Variants in TRPM4 observed in about 807,000 individuals in gnomAD.
The protein encoded by TRPM4 is transient receptor potential cation channel subfamily M member 4.
In TRPM4, 124 loss-of-function variants were observed where a neutral mutation model predicts 135.6. The ratio of observed to expected loss-of-function variants is 0.91; its 90% CI spans 0.79 to 1.06. The LOEUF is 1.06. TRPM4 is among the 50% of genes least tolerant of loss of function. TRPM4 has a pLI of 0.00. For missense variants in TRPM4, 1,658 were observed against 1,671.4 expected, an observed-to-expected ratio of 0.99 and a Z score of 0.14; for synonymous variants, 745 against 705.6, an observed-to-expected ratio of 1.06 and a Z score of -0.88.
At position 49,182,722 on chromosome 19, in the gene TRPM4, A is replaced by T. The variant is rs201808664; in HGVS notation, c.1408A>T (p.Asn470Tyr). 6.2e-7 allele frequency: 1 copy of T among 1,614,110 alleles called. No homozygotes were observed. The highest frequency in any genetic ancestry group is 2.2e-5 in the East Asian group (1 of 44,870). The change falls in exon 11 of 25, where the codon AAC becomes TAC. Residue 470 changes from asparagine (N) to tyrosine (Y), a missense_variant. Asn to Tyr is a moderately radical substitution (Grantham distance 143, BLOSUM62 -2). Transcript: ENST00000252826. Reference sequence around the variant, plus strand: ...CCAACTCTACAGCGCGGCGCCCTCCAACTCGCTCATCCGCAACCTTTTGGA... The same window carrying T: ...CCAACTCTACAGCGCGGCGCCCTCCTACTCGCTCATCCGCAACCTTTTGGA... ...LAQLYSAAPS[N>Y]SLIRNLLDQA...
chr19:49,190,587 C>T, intron 15 of TRPM4, 109 bp from the exon 16 acceptor site: 1 of 1,179,144 alleles, frequency 8.5e-7, no homozygotes, highest in Admixed American at 1.9e-5. Flanking sequence ...GAGACCACCT[C>T]TCTGTCCCTC....
chr19:49,203,333 C>T (rs1969017753), intron 20 of TRPM4, among the ~76,000 whole-genome samples: 1 of 151,840 alleles, frequency 6.6e-6, no homozygotes, highest in South Asian at 2.1e-4. Context: ...GCGTGCGCCA[C>T]CACACCTGGC....
At chr19:49,192,971 C>T (rs1968466641) in intron 16 of TRPM4, among the ~76,000 whole-genome samples, 1 of 151,772 alleles carries the variant, frequency 6.6e-6, no homozygotes. Flanking sequence ...CCTTCCCTAG[C>T]AATTTCTCAT....
intron 15 of TRPM4, 96 bp from the exon 16 acceptor site, chr19:49,190,600 C>A: frequency 7.8e-7 from 1 of 1,286,182 alleles, no homozygotes; most frequent in Non-Finnish European, 1.1e-6. Context: ...TGTCCCTCTG[C>A]CATGTCTCCG....
intron 17 of TRPM4, among the ~76,000 whole-genome samples, chr19:49,197,944 C>T (rs1206080546): frequency 6.6e-6 from 1 of 151,938 alleles, no homozygotes; most frequent in Non-Finnish European, 1.5e-5. Context: ...TGGCCTTAGC[C>T]TCTGAAAGTG....
At chr19:49,208,225 C>A (rs1017261667) in intron 20 of TRPM4, among the ~76,000 whole-genome samples, 1 of 152,140 alleles carries the variant, frequency 6.6e-6, no homozygotes, top group African/African-American at 2.4e-5. Context: ...ACCGCTGAAG[C>A]ACAGCATCAC....
chr19:49,173,878 C>T (rs1471093320), intron 9 of TRPM4, among the ~76,000 whole-genome samples: 3 of 152,020 alleles, frequency 2.0e-5, no homozygotes, highest in Non-Finnish European at 4.4e-5. Flanking sequence ...CTCTGTTGCC[C>T]ATGCTGGTCA....
chr19:49,166,125 C>T lies in TRPM4; in HGVS notation c.177C>T (p.Thr59=), dbSNP rs758704994. 2.5e-6 allele frequency: 4 copies of T among 1,605,682 alleles called. No individual in the cohort carries two copies. Among genetic ancestry groups the T allele is most frequent in the South Asian group, 1.1e-5 (1 of 89,580 alleles). The change falls in exon 3 of 25, where the codon ACC becomes ACT. Residue 59 remains threonine (T), a synonymous_variant. Coordinates refer to ENST00000252826, the MANE Select transcript of TRPM4 (RefSeq NM_017636.4). ...MEDAFGAAVV[T]VWDSDAHTTE... Reference sequence around the variant, plus strand: ...ATGCCTTCGGGGCAGCCGTGGTGACCGTGTGGGACAGCGATGCACACACCA... The same window carrying T: ...ATGCCTTCGGGGCAGCCGTGGTGACTGTGTGGGACAGCGATGCACACACCA...
chr19:49,190,263 C>G lies in TRPM4; in HGVS notation c.2075C>G (p.Ala692Gly). The change falls in exon 15 of 25, where the codon GCC becomes GGC. Residue 692 changes from alanine (A) to glycine (G), a missense_variant. Physicochemically the swap from Ala to Gly is moderately conservative, Grantham distance 60 (BLOSUM62 0). Transcript: ENST00000252826. ...GDMASTTPIW[A>G]LVLAFFCPPL... ...ATGGCCAGCACTACACCCATCTGGG[C>G]CCTGGTTCTCGCCTTCTTTTGCCCT... is the stretch of plus-strand genomic sequence containing the variant. 3.1e-6 allele frequency: 5 copies of G among 1,614,232 alleles called. No individual in the cohort carries two copies. Among genetic ancestry groups the G allele is most frequent in the Non-Finnish European group, 4.2e-6 (5 of 1,180,042 alleles).
At chr19:49,197,433 T>C (rs934108674) in intron 17 of TRPM4, among the ~76,000 whole-genome samples, 3 of 149,108 alleles carry the variant, frequency 2.0e-5, no homozygotes, top group Non-Finnish European at 4.5e-5. Flanking sequence ...CTTTTCTTTC[T>C]CTCTCTCTCC....
chr19:49,173,887 C>T (rs892523394), intron 9 of TRPM4, among the ~76,000 whole-genome samples: 4 of 151,798 alleles, frequency 2.6e-5, no homozygotes, highest in African/African-American at 7.3e-5. Flanking sequence ...CCATGCTGGT[C>T]ATGAACTCCT....
chr19:49,202,223 A>T (rs1968965195), intron 20 of TRPM4, 82 bp downstream of exon 20: 15 of 1,504,892 alleles, frequency 1.0e-5, no homozygotes, highest in Non-Finnish European at 1.4e-5. Context: ...CGTCTAATGA[A>T]TTCTGTTTTT....
Position 49,183,087 on chromosome 19 carries a change from C to T in TRPM4, c.1618C>T (p.Leu540Phe), listed in dbSNP as rs766323573. ...GQGFGESMYLLSDKATSPLSL... is the reference protein window; with the variant it reads ...GQGFGESMYLFSDKATSPLSL... ...CTCCTTTTGCTGGCAGATGTATCTG[C>T]TCTCGGACAAGGCCACCTCGCCGCT... is the stretch of plus-strand genomic sequence containing the variant. The change falls in exon 12 of 25, where the codon CTC (leucine) becomes TTC (phenylalanine). Residue 540 changes from leucine to phenylalanine, a missense_variant. Coordinates refer to ENST00000252826, the MANE Select transcript of TRPM4 (RefSeq NM_017636.4). 1 of 1,612,498 alleles carries T rather than the reference C, an allele frequency of 6.2e-7. No homozygotes were observed. Among genetic ancestry groups the T allele is most frequent in the Non-Finnish European group, 8.5e-7 (1 of 1,180,012 alleles).
intron 18 of TRPM4, 26 bp downstream of exon 18, chr19:49,200,458 G>T: frequency 6.2e-7 from 1 of 1,610,788 alleles, no homozygotes; most frequent in South Asian, 1.1e-5. Flanking sequence ...GGCCAAAGTG[G>T]GCGGGGACAT....
rs1600546727 is a variant in TRPM4 at position 49,210,923 on chromosome 19, G to A, written c.3461+81G>A. 6.3e-7 allele frequency: 1 copy of A among 1,590,538 alleles called. No homozygotes were observed. The highest frequency in any genetic ancestry group is 2.3e-5 in the East Asian group (1 of 43,914). On this transcript the variant is annotated intron_variant, in intron 22 of 24. Transcript: ENST00000252826. The surrounding 1 kb of genome is among the most constrained non-coding windows in gnomAD (Gnocchi z 4.1). ...TCAGCTGAAGGCAGGGTCCTGGGAG[G>A]GAGGGAGAGAGGGAGGAGGCCCGGG...
chr19:49,174,824 C>T (rs1967613551), intron 9 of TRPM4, among the ~76,000 whole-genome samples: 1 of 150,866 alleles, frequency 6.6e-6, no homozygotes, highest in Non-Finnish European at 1.5e-5. Flanking sequence ...ATTTAGTAAG[C>T]TAACGAGTGG....
intron 18 of TRPM4, 26 bp downstream of exon 18, chr19:49,200,458 G>A (rs781315700): frequency 6.2e-7 from 1 of 1,610,790 alleles, no homozygotes; most frequent in Non-Finnish European, 8.5e-7. Context: ...GGCCAAAGTG[G>A]GCGGGGACAT....
At chr19:49,200,993 C>A (rs1326906592) in intron 19 of TRPM4, among the ~76,000 whole-genome samples, 1 of 147,682 alleles carries the variant, frequency 6.8e-6, no homozygotes, top group Non-Finnish European at 1.5e-5. Context: ...GTCTGTCTTT[C>A]TTTTTTCTTT....
chr19:49,190,916 G>A lies in TRPM4; in HGVS notation c.2210+143G>A, dbSNP rs181126861. 1,267 of 671,960 alleles carry A rather than the reference G, an allele frequency of 1.9e-3. 4 individuals are homozygous for A. Among genetic ancestry groups the A allele is most frequent in the Non-Finnish European group, 2.6e-3 (1,011 of 394,462 alleles). The allele number at this position is 671,960 out of a possible 1,614,324, so 41.6% of individuals were successfully genotyped here. ...ACTGAGTAATTTATAAAGAAAAGAG[G>A]TTTCATTGGCTCATGGTTCTGCAGG... On this transcript the variant is annotated intron_variant, in intron 16 of 24. Transcript: ENST00000252826.
Sources: gnomAD v4.1 joint callset for allele counts (sites outside exome capture counted in the v4.1 genomes callset) on GRCh38, gnomAD v4.1.1 for gene constraint, Gnocchi (gnomAD v3.1) non-coding constraint, MANE v1.5 for transcripts, NCBI Gene and HGNC (gene_info 2026-07-23, HGNC 2026-07-21) for gene names.